Variants in NTM observed in about 807,000 individuals in gnomAD.
The protein encoded by NTM is neurotrimin.
Under a neutral mutation model 42.1 loss-of-function variants are expected in NTM, and 13 were observed. The ratio of observed to expected loss-of-function variants is 0.31; its 90% confidence interval spans 0.20 to 0.49. The LOEUF (loss-of-function observed/expected upper bound fraction) is 0.49. Ranked by LOEUF, NTM falls within the 20% of genes least tolerant of loss-of-function variation. The pLI, the probability that NTM is intolerant of heterozygous loss-of-function variation, is 0.99. For synonymous variants in NTM, 187 were observed against 179.2 expected, an observed-to-expected ratio of 1.04 and a Z score of -0.35; for missense variants, 373 against 452.8, an observed-to-expected ratio of 0.82 and a Z score of 1.60.
At chr11:131,405,572 G>T (rs915619364) in intron 1 of NTM, among the ~76,000 whole-genome samples, 3 of 152,090 alleles carry the variant, frequency 2.0e-5, no homozygotes, top group Non-Finnish European at 2.9e-5. Context: ...CTTCATGAAA[G>T]GCACCTTGCC....
intron 2 of NTM, among the ~76,000 whole-genome samples, chr11:132,119,983 G>A (rs1057039618): frequency 6.6e-6 from 1 of 152,204 alleles, no homozygotes; most frequent in Admixed American, 6.5e-5. Context: ...CCCCATCAGA[G>A]CTAGAGAGAA....
At chr11:132,322,152 T>C (rs1189826843) in intron 7 of NTM, among the ~76,000 whole-genome samples, 1 of 151,510 alleles carries the variant, frequency 6.6e-6, no homozygotes, top group African/African-American at 2.4e-5. Flanking sequence ...AACATCATAA[T>C]GACAGGATCA....
chr11:131,671,238 A>G (rs1296077800), intron 1 of NTM, among the ~76,000 whole-genome samples: 1 of 151,864 alleles, frequency 6.6e-6, no homozygotes, highest in African/African-American at 2.4e-5. Flanking sequence ...AGCCATTCCT[A>G]TCTCCCCCAG....
intron 1 of NTM, among the ~76,000 whole-genome samples, chr11:131,541,905 T>G (rs1323932346): frequency 6.6e-6 from 1 of 152,236 alleles, no homozygotes; most frequent in Non-Finnish European, 1.5e-5. Flanking sequence ...CTTTATCCAG[T>G]GTGTCTCTTT....
At chr11:132,320,799 G>A (rs547623925) in intron 7 of NTM, among the ~76,000 whole-genome samples, 4 of 151,618 alleles carry the variant, frequency 2.6e-5, no homozygotes, top group Non-Finnish European at 4.4e-5. Context: ...GAAGAGAGCA[G>A]TGGTTCTCCC....
At chr11:131,774,811 A>C (rs1201478659) in intron 1 of NTM, among the ~76,000 whole-genome samples, 2 of 152,194 alleles carry the variant, frequency 1.3e-5, no homozygotes, top group African/African-American at 4.8e-5. Context: ...TCCTAGATGC[A>C]TGTGCCTTTC....
At chr11:132,074,551 TA>T (rs1243785173) in intron 2 of NTM, among the ~76,000 whole-genome samples, 1 of 150,450 alleles carries the variant, frequency 6.6e-6, no homozygotes, top group African/African-American at 2.5e-5. Context: ...TTTTTTTTTT[TA>T]GGATTAAGAG....
At chr11:131,795,847 T>G in intron 1 of NTM, 1 of 985,340 alleles carries the variant, frequency 1.0e-6, no homozygotes, top group Non-Finnish European at 1.2e-6. Context: ...ATGGCAAGAA[T>G]GCACAGGGTG....
chr11:132,210,606 A>G (rs1203280001), intron 3 of NTM, among the ~76,000 whole-genome samples: 1 of 152,208 alleles, frequency 6.6e-6, no homozygotes, highest in Non-Finnish European at 1.5e-5. Context: ...GAATGTTAAA[A>G]CACATAAGAC....
At chr11:132,209,599 G>A (rs7925929) in intron 3 of NTM, among the ~76,000 whole-genome samples, 4,532 of 152,276 alleles carry the variant, frequency 0.03, 237 homozygotes, top group African/African-American at 0.1. Flanking sequence ...TAGTATAAAA[G>A]GAAAGGTGGG....
At chr11:131,972,971 C>T (rs536434198) in intron 2 of NTM, among the ~76,000 whole-genome samples, 3 of 152,218 alleles carry the variant, frequency 2.0e-5, no homozygotes, top group East Asian at 1.9e-4. Flanking sequence ...GGCAGATAAA[C>T]AAATAATCAA....
intron 1 of NTM, among the ~76,000 whole-genome samples, chr11:131,816,741 T>C (rs2092967848): frequency 6.6e-6 from 1 of 152,248 alleles, no homozygotes; most frequent in South Asian, 2.1e-4. Flanking sequence ...GTATCTTTCC[T>C]AGGAGCCCTA....
At chr11:131,972,691 A>G (rs577864537) in intron 2 of NTM, among the ~76,000 whole-genome samples, 1 of 152,178 alleles carries the variant, frequency 6.6e-6, no homozygotes, top group Non-Finnish European at 1.5e-5. Flanking sequence ...GAACCCCCGC[A>G]TAATGTGGCT....
chr11:131,635,455 A>G (rs1263376541), intron 1 of NTM, among the ~76,000 whole-genome samples: 1 of 152,212 alleles, frequency 6.6e-6, no homozygotes, highest in Non-Finnish European at 1.5e-5. Context: ...AAGAAAATTT[A>G]AAAATAGAAA....
intron 1 of NTM, among the ~76,000 whole-genome samples, chr11:131,495,294 C>T (rs1052786939): frequency 2.0e-4 from 30 of 152,204 alleles, no homozygotes; most frequent in Admixed American, 3.9e-4. Context: ...CACACTCCCC[C>T]GCCCCTGTTG....
intron 1 of NTM, among the ~76,000 whole-genome samples, chr11:131,679,655 C>T (rs909489681): frequency 1.3e-5 from 2 of 151,362 alleles, no homozygotes; most frequent in Non-Finnish European, 2.9e-5. Flanking sequence ...TTCTAGATAA[C>T]TAGTGCCCCC....
chr11:132,298,878 A>T (rs1433377215), intron 4 of NTM, among the ~76,000 whole-genome samples: 4 of 152,104 alleles, frequency 2.6e-5, no homozygotes, highest in Non-Finnish European at 5.9e-5. Context: ...ATTGATAGAC[A>T]CATATATGTG....
chr11:131,384,341 G>A (rs1943054680), intron 1 of NTM, among the ~76,000 whole-genome samples: 1 of 152,148 alleles, frequency 6.6e-6, no homozygotes, highest in South Asian at 2.1e-4. Flanking sequence ...GAAAGCATGA[G>A]GCCATCAAGG....
At chr11:132,019,027 T>A (rs55945302) in intron 2 of NTM, among the ~76,000 whole-genome samples, 5,170 of 152,112 alleles carry the variant, frequency 0.034, 293 homozygotes, top group African/African-American at 0.12. Context: ...TCTTCTAATC[T>A]GTTCATAGTC....
Sources: allele counts gnomAD v4.1 joint callset (sites outside exome capture counted in the v4.1 genomes callset), GRCh38; gene constraint gnomAD v4.1.1; transcripts MANE v1.5; gene names NCBI Gene and HGNC (gene_info 2026-07-23, HGNC 2026-07-21).